The following SDK1 variants were observed in gnomAD, a reference collection of about 807,000 sequenced individuals.
The protein encoded by SDK1 is sidekick cell adhesion molecule 1.
In SDK1, 157 loss-of-function variants were observed where a neutral mutation model predicts 245.5. The ratio of observed to expected loss-of-function variants is 0.64; its 90% CI spans 0.56 to 0.73. The LOEUF (loss-of-function observed/expected upper bound fraction) is 0.73, where lower values mean the gene tolerates loss of function less well. Ranked by LOEUF, SDK1 falls within the 30% of genes least tolerant of loss-of-function variation. The pLI is 0.00. For synonymous variants in SDK1, 1,647 were observed against 1,278.5 expected (o/e 1.29, Z -6.15); for missense variants, 3,583 against 3,002.3 (o/e 1.19, Z -4.52).
At chr7:4,075,795 C>T (rs1167413268) in intron 20 of SDK1, among the ~76,000 whole-genome samples, 2 of 151,942 alleles carry the variant, frequency 1.3e-5, no homozygotes. Context: ...GCTAGGATTA[C>T]AGGCGCCCAC....
intron 40 of SDK1, among the ~76,000 whole-genome samples, chr7:4,221,844 T>C (rs1785168867): frequency 6.6e-6 from 1 of 152,172 alleles, no homozygotes; most frequent in African/African-American, 2.4e-5. Flanking sequence ...AGGTCTAAGA[T>C]CCATTTCCAG....
At chr7:3,803,364 G>A (rs1010434313) in intron 4 of SDK1, among the ~76,000 whole-genome samples, 8 of 150,466 alleles carry the variant, frequency 5.3e-5, no homozygotes, top group Admixed American at 5.3e-4. Context: ...AGGCTGGAGT[G>A]CAGTGGTGTG....
At chr7:4,140,679 C>T (rs1189907652) in intron 28 of SDK1, among the ~76,000 whole-genome samples, 1 of 152,186 alleles carries the variant, frequency 6.6e-6, no homozygotes, top group African/African-American at 2.4e-5. Context: ...CACCCAGCCC[C>T]TCCTTGCCTG....
At chr7:3,682,038 G>A (rs369571378) in intron 4 of SDK1, among the ~76,000 whole-genome samples, 1 of 152,194 alleles carries the variant, frequency 6.6e-6, no homozygotes, top group East Asian at 1.9e-4. Flanking sequence ...ACTCTAAACA[G>A]CCTTATATCA....
chr7:4,174,603 G>A (rs1782067697), intron 33 of SDK1, among the ~76,000 whole-genome samples: 1 of 152,174 alleles, frequency 6.6e-6, no homozygotes, highest in Non-Finnish European at 1.5e-5. Flanking sequence ...TAAGGGGAGA[G>A]CAGTTGCCAG....
chr7:3,584,935 A>G (rs1780636077), intron 1 of SDK1, among the ~76,000 whole-genome samples: 1 of 152,042 alleles, frequency 6.6e-6, no homozygotes, highest in African/African-American at 2.4e-5. Context: ...CGTGTTAGCC[A>G]GGATGGTCCC....
At chr7:3,977,570 C>T (rs568057471) in intron 13 of SDK1, among the ~76,000 whole-genome samples, 6 of 152,370 alleles carry the variant, frequency 3.9e-5, no homozygotes, top group African/African-American at 1.2e-4. Context: ...TGGGTGCTGT[C>T]ATCCGTGGGC....
intron 35 of SDK1, among the ~76,000 whole-genome samples, chr7:4,191,937 G>T (rs1783231879): frequency 1.3e-5 from 2 of 152,176 alleles, no homozygotes; most frequent in Admixed American, 1.3e-4. Flanking sequence ...GATTTGAAAG[G>T]GCTTTGACGG....
intron 14 of SDK1, among the ~76,000 whole-genome samples, chr7:4,007,315 A>C (rs1341308992): frequency 1.3e-5 from 2 of 152,096 alleles, no homozygotes; most frequent in African/African-American, 4.8e-5. Context: ...AGAACCCCAG[A>C]AGGAGAGATT....
chr7:3,319,424 C>G (rs1306777047), intron 1 of SDK1, among the ~76,000 whole-genome samples: 1 of 151,718 alleles, frequency 6.6e-6, no homozygotes, highest in African/African-American at 2.4e-5. Flanking sequence ...GGTATTAATT[C>G]CTTATCAGTG....
At chr7:4,038,993 C>CT (rs1011668715) in intron 17 of SDK1, among the ~76,000 whole-genome samples, 37 of 152,210 alleles carry the variant, frequency 2.4e-4, no homozygotes, top group African/African-American at 6.5e-4. Context: ...TGAGTAGCAA[C>CT]TTTTTTTACC....
chr7:4,074,342 G>A lies in SDK1; in HGVS notation c.3011-2656G>A, dbSNP rs562448229. Among the ~76,000 whole-genome samples the A allele has an allele frequency of 7.2e-5, 11 of 152,234 alleles. No individual in the cohort carries two copies. The East Asian group carries it at 2.1e-3, about 29-fold the overall frequency. ...AAGCTGATTCAAGGTACTTTGTCTTGGAAACGGACCATGTATCCATTATTT... is the reference window on the plus strand; with the variant it reads ...AAGCTGATTCAAGGTACTTTGTCTTAGAAACGGACCATGTATCCATTATTT... On this transcript the variant is annotated intron_variant, in intron 20 of 44. Transcript: ENST00000404826.
Position 4,017,227 on chromosome 7 carries a change from A to G in SDK1, c.2477A>G (p.Glu826Gly). 1 of 1,614,034 alleles carries G rather than the reference A, an allele frequency of 6.2e-7. No individual in the cohort carries two copies. The highest frequency in any genetic ancestry group is 8.5e-7 in the Non-Finnish European group (1 of 1,179,962). The change falls in exon 17 of 45, where the codon GAG becomes GGG. Residue 826 changes from glutamate (E) to glycine (G), a missense_variant. By Grantham distance (98) the Glu-to-Gly change is moderately conservative (BLOSUM62 -2). Transcript: ENST00000404826. The part of the protein sequence containing the change: ...EYQQRNITSP[E>G]VNYCLVTDLI... ...CAGCAGCGGAACATCACCAGCCCGGAGGTGAACTACTGCCTGGTGACAGAC... is the reference window on the plus strand; with the variant it reads ...CAGCAGCGGAACATCACCAGCCCGGGGGTGAACTACTGCCTGGTGACAGAC...
intron 35 of SDK1, among the ~76,000 whole-genome samples, chr7:4,182,506 AGG>A (rs1244813067): frequency 6.6e-6 from 1 of 152,204 alleles, no homozygotes; most frequent in Non-Finnish European, 1.5e-5. Flanking sequence ...CCCTGCACCC[AGG>A]GACGTGTCCT....
intron 1 of SDK1, among the ~76,000 whole-genome samples, chr7:3,538,333 T>A (rs1284777438): frequency 2.0e-5 from 3 of 152,166 alleles, no homozygotes; most frequent in Non-Finnish European, 4.4e-5. Context: ...TAAAAGAAAA[T>A]CCTGTGCTTT....
At chr7:3,493,142 G>A (rs1487003533) in intron 1 of SDK1, among the ~76,000 whole-genome samples, 1 of 151,968 alleles carries the variant, frequency 6.6e-6, no homozygotes, top group Non-Finnish European at 1.5e-5. Context: ...TACTAGAGAC[G>A]GAGTTTCACC....
chr7:4,155,746 G>A (rs1780689854), intron 30 of SDK1, among the ~76,000 whole-genome samples: 1 of 152,186 alleles, frequency 6.6e-6, no homozygotes. Flanking sequence ...ATGGGGAATA[G>A]CATCCTTATT....
intron 4 of SDK1, among the ~76,000 whole-genome samples, chr7:3,687,099 A>ACACACACACACACACACACC (rs1397468621): frequency 6.8e-6 from 1 of 147,230 alleles, no homozygotes; most frequent in African/African-American, 2.5e-5. Flanking sequence ...ACACACACAC[A>ACACACACACACACACACACC]CCACCCTGTA....
intron 4 of SDK1, among the ~76,000 whole-genome samples, chr7:3,645,662 A>T (rs775125911): frequency 3.0e-4 from 46 of 152,184 alleles, no homozygotes; most frequent in Admixed American, 1.2e-3. Flanking sequence ...ATTGCTTTCC[A>T]TGTCTAAGAA....
Sources: allele counts gnomAD v4.1 joint callset (sites outside exome capture counted in the v4.1 genomes callset), GRCh38; gene constraint gnomAD v4.1.1; transcripts MANE v1.5; gene names NCBI Gene and HGNC (gene_info 2026-07-23, HGNC 2026-07-21).